The following CGGBP1 variants were observed in gnomAD, a reference collection of about 807,000 sequenced individuals.
The protein encoded by CGGBP1 is CGG triplet repeat binding protein 1.
CGGBP1 carries 4 observed loss-of-function variants against 11.4 expected under a neutral mutation model. The observed-to-expected ratio is 0.35, with a 90% CI of 0.17 to 0.80. The LOEUF is 0.80. Ranked by LOEUF, CGGBP1 falls within the 30% of genes least tolerant of loss-of-function variation. CGGBP1 has a pLI of 0.52. For missense variants in CGGBP1, 135 were observed against 202.1 expected (o/e 0.67, Z 2.01); for synonymous variants, 76 against 74.1 (o/e 1.03, Z -0.13).
intron 2 of CGGBP1, among the ~76,000 whole-genome samples, chr3:88,107,359 T>C (rs1366877099): frequency 1.3e-5 from 2 of 152,200 alleles, no homozygotes; most frequent in Admixed American, 1.3e-4. Flanking sequence ...ATTTGCATCT[T>C]AGACCTTTCT....
chr3:88,085,154 T>C (rs544320544), intron 2 of CGGBP1, among the ~76,000 whole-genome samples: 2 of 152,322 alleles, frequency 1.3e-5, no homozygotes, highest in East Asian at 3.9e-4. Context: ...GAAAAGTCTT[T>C]TGGGCTCTGA....
At position 88,129,868 on chromosome 3, in the gene CGGBP1, C is replaced by T. The variant is rs1016931195; in HGVS notation, c.-229+11102G>A. 4.5e-6 allele frequency: 6 copies of T among 1,344,700 alleles called. No individual in the cohort carries two copies. In the African/African-American group the frequency reaches 8.8e-5, roughly 20 times the overall value. The allele number at this position is 1,344,700 out of a possible 1,614,324, so 83.3% of individuals were successfully genotyped here. On this transcript the variant is annotated intron_variant, in intron 2 of 3. Transcript: ENST00000462901. The stretch of plus-strand genomic sequence containing the variant: ...AAAGAAATTGAAATGGTAAGATGGG[C>T]AACAGAAAGGAAATTGCAGTTTGAA...
intron 2 of CGGBP1, among the ~76,000 whole-genome samples, chr3:88,120,448 G>C (rs1160124986): frequency 6.6e-6 from 1 of 152,156 alleles, no homozygotes; most frequent in East Asian, 1.9e-4. Flanking sequence ...AGAAACTTTA[G>C]TTTGGTGATC....
chr3:88,086,485 G>A, intron 2 of CGGBP1: 1 of 1,216,146 alleles, frequency 8.2e-7, no homozygotes, highest in South Asian at 2.3e-5. Flanking sequence ...TTCTGAAGAA[G>A]AAACCTTTCC....
chr3:88,138,877 G>A (rs1024202867), intron 2 of CGGBP1: 6 of 1,231,872 alleles, frequency 4.9e-6, no homozygotes, highest in East Asian at 3.2e-5. Flanking sequence ...TTTCTGGAGC[G>A]CTCCTTAGAA....
At chr3:88,091,784 C>G (rs1398443257) in intron 2 of CGGBP1, among the ~76,000 whole-genome samples, 3 of 152,174 alleles carry the variant, frequency 2.0e-5, no homozygotes, top group African/African-American at 7.2e-5. Flanking sequence ...TGCTCTCTTG[C>G]CTGCCGCCAT....
At chr3:88,077,384 A>C (rs2107634892) in intron 2 of CGGBP1, among the ~76,000 whole-genome samples, 1 of 142,952 alleles carries the variant, frequency 7.0e-6, no homozygotes, top group East Asian at 2.1e-4. Flanking sequence ...CCCAGGCTGG[A>C]GTACAGTGGC....
chr3:88,069,623 T>G (rs1707397274), intron 2 of CGGBP1, among the ~76,000 whole-genome samples: 1 of 152,210 alleles, frequency 6.6e-6, no homozygotes, highest in Non-Finnish European at 1.5e-5. Flanking sequence ...GCTTCAACAT[T>G]CACATCAGGA....
intron 1 of CGGBP1, chr3:88,142,861 C>T (rs556573483): frequency 4.6e-5 from 7 of 152,148 alleles, no homozygotes; most frequent in Admixed American, 4.6e-4. Flanking sequence ...TGTTATTTTC[C>T]TAAGAAGATT....
intron 2 of CGGBP1, among the ~76,000 whole-genome samples, chr3:88,083,781 A>G (rs1708199241): frequency 6.6e-6 from 1 of 152,136 alleles, no homozygotes; most frequent in Non-Finnish European, 1.5e-5. Flanking sequence ...CATTATGTTA[A>G]TGGCAACCTA....
At chr3:88,069,737 C>T (rs1445893594) in intron 2 of CGGBP1, among the ~76,000 whole-genome samples, 3 of 152,064 alleles carry the variant, frequency 2.0e-5, no homozygotes, top group Non-Finnish European at 4.4e-5. Flanking sequence ...TTCAGTATCT[C>T]GTGTAATATA....
At chr3:88,129,964 G>T in intron 2 of CGGBP1, 1 of 688,180 alleles carries the variant, frequency 1.5e-6, no homozygotes, top group Non-Finnish European at 2.1e-6. Context: ...AGGAACAATA[G>T]TAGATTCTAA....
intron 2 of CGGBP1, among the ~76,000 whole-genome samples, chr3:88,065,200 C>T (rs1271056299): frequency 1.3e-5 from 2 of 152,006 alleles, no homozygotes; most frequent in African/African-American, 2.4e-5. Flanking sequence ...GACATCAACT[C>T]GTTTATTATA....
At chr3:88,070,003 A>G (rs1707416917) in intron 2 of CGGBP1, among the ~76,000 whole-genome samples, 1 of 152,166 alleles carries the variant, frequency 6.6e-6, no homozygotes, top group Non-Finnish European at 1.5e-5. Context: ...CATTTGACAA[A>G]TCTCTCAAAT....
At chr3:88,099,522 A>G (rs1704274602) in intron 2 of CGGBP1, among the ~76,000 whole-genome samples, 1 of 150,572 alleles carries the variant, frequency 6.6e-6, no homozygotes, top group African/African-American at 2.4e-5. Flanking sequence ...TTGCCAAGAC[A>G]ATCCTAAGCC....
At chr3:88,068,032 A>G (rs1240562276) in intron 2 of CGGBP1, among the ~76,000 whole-genome samples, 2 of 152,212 alleles carry the variant, frequency 1.3e-5, no homozygotes, top group African/African-American at 4.8e-5. Context: ...CAACACTCAA[A>G]GCACAAGTGG....
At chr3:88,061,107 CTA>C (rs1037985823), upstream of CGGBP1, among the ~76,000 whole-genome samples, 19 of 152,100 alleles carry the variant, frequency 1.2e-4, no homozygotes, top group African/African-American at 4.6e-4. Context: ...TGTTTTGTAA[CTA>C]TACCTTTTAC....
At chr3:88,103,988 C>T (rs1430209844) in intron 2 of CGGBP1, among the ~76,000 whole-genome samples, 1 of 151,944 alleles carries the variant, frequency 6.6e-6, no homozygotes, top group Non-Finnish European at 1.5e-5. Context: ...TCTCGAACTC[C>T]TTACCTCAGG....
At position 88,052,808 on chromosome 3, in the gene CGGBP1, G is replaced by A. The variant is rs894119410; in HGVS notation, c.*2665C>T. ...TCTTAATTTTCACCTTGTAAGAAATGATTACAATGTCCTTCAGGCTTGTTA... is the reference window on the plus strand; with the variant it reads ...TCTTAATTTTCACCTTGTAAGAAATAATTACAATGTCCTTCAGGCTTGTTA... On this transcript the variant is annotated 3_prime_UTR_variant, in exon 4 of 4. Transcript: ENST00000482016. The A allele has an allele frequency of 6.6e-6, 1 of 152,524 alleles. No individual in the cohort carries two copies. The highest frequency in any genetic ancestry group is 2.4e-5 in the African/African-American group (1 of 41,426). 9.4% of individuals were successfully genotyped at this position (152,524 alleles called of 1,614,324 possible).
Sources: allele counts gnomAD v4.1 joint callset (sites outside exome capture counted in the v4.1 genomes callset), GRCh38; gene constraint gnomAD v4.1.1; transcripts MANE v1.5; gene names NCBI Gene and HGNC (gene_info 2026-07-23, HGNC 2026-07-21).